HDAC9: variants seen among roughly 807,000 people sequenced by gnomAD.
The protein encoded by HDAC9 is MEF-2 interacting transcription repressor (MITR) protein.
HDAC9 carries 41 observed loss-of-function variants against 139.4 expected under a neutral mutation model. The ratio of observed to expected loss-of-function variants is 0.29; its 90% confidence interval spans 0.23 to 0.38. HDAC9 has a LOEUF of 0.38. Ranked by LOEUF, HDAC9 falls within the 10% of genes least tolerant of loss-of-function variation. The pLI, the probability that HDAC9 is intolerant of heterozygous loss-of-function variation, is 1.00. For missense variants in HDAC9, 1,147 were observed against 1,297.0 expected, an observed-to-expected ratio of 0.88 and a Z score of 1.78; for synonymous variants, 517 against 476.2, an observed-to-expected ratio of 1.09 and a Z score of -1.12.
intron 1 of HDAC9, among the ~76,000 whole-genome samples, chr7:18,305,353 A>G (rs1798839314): frequency 6.6e-6 from 1 of 152,230 alleles, no homozygotes; most frequent in African/African-American, 2.4e-5. Context: ...CAAATATGAA[A>G]ATACATGAAT....
At chr7:18,247,564 G>A (rs910272730) in intron 2 of HDAC9, among the ~76,000 whole-genome samples, 1 of 152,022 alleles carries the variant, frequency 6.6e-6, no homozygotes, top group African/African-American at 2.4e-5. Context: ...AGTGAGTAGG[G>A]ACAAATATTT....
Position 18,327,214 on chromosome 7 carries a change from G to A in HDAC9, c.-42+36699G>A, listed in dbSNP as rs1209499691. On this transcript the variant is annotated intron_variant, in intron 1 of 3. Transcript: ENST00000413509. ...TGGAAGGCTTATAAGATTAAAAATA[G>A]TTGTGTTTAGGGAAATAAGCTTATT... Among the ~76,000 whole-genome samples, 7 of 151,776 alleles carry A rather than the reference G, an allele frequency of 4.6e-5. No individual in the cohort carries two copies. The East Asian group carries it at 1.4e-3, about 29-fold the overall frequency.
At chr7:18,919,965 G>C (rs1020704114) in intron 22 of HDAC9, among the ~76,000 whole-genome samples, 5 of 152,110 alleles carry the variant, frequency 3.3e-5, no homozygotes. Flanking sequence ...GCTTAGGATT[G>C]ACTTGGCAAT....
chr7:18,384,036 C>G (rs1049836991), intron 1 of HDAC9, among the ~76,000 whole-genome samples: 4 of 152,086 alleles, frequency 2.6e-5, no homozygotes, highest in Admixed American at 6.6e-5. Context: ...ATAGGCCAGG[C>G]ATGGTGGCTC....
At chr7:18,443,788 C>T (rs567737732) in intron 1 of HDAC9, among the ~76,000 whole-genome samples, 355 of 151,722 alleles carry the variant, frequency 2.3e-3, no homozygotes, top group African/African-American at 8.3e-3. Flanking sequence ...CTTTCTCTCC[C>T]TCTCTGTGTG....
At chr7:18,617,441 C>G (rs780181277) in intron 6 of HDAC9, among the ~76,000 whole-genome samples, 50 of 152,162 alleles carry the variant, frequency 3.3e-4, no homozygotes, top group Non-Finnish European at 6.0e-4. Context: ...CCCATTCACA[C>G]AAGCCATTCT....
intron 1 of HDAC9, among the ~76,000 whole-genome samples, chr7:18,427,307 A>G (rs370660724): frequency 1.1e-4 from 17 of 152,242 alleles, no homozygotes; most frequent in East Asian, 7.7e-4. Flanking sequence ...CCAGTCCCCA[A>G]TTGCCAGAGA....
intron 1 of HDAC9, among the ~76,000 whole-genome samples, chr7:18,393,200 A>G (rs1489638231): frequency 6.6e-6 from 1 of 152,122 alleles, no homozygotes; most frequent in Non-Finnish European, 1.5e-5. Context: ...CACTAAAGAA[A>G]TTAATTTAGG....
intron 1 of HDAC9, among the ~76,000 whole-genome samples, chr7:18,150,078 T>G (rs1270618460): frequency 4.2e-5 from 1 of 23,978 alleles, no homozygotes; most frequent in African/African-American, 1.3e-4. Context: ...TTTATTAGGG[T>G]TTTTTTTTTT....
intron 6 of HDAC9, among the ~76,000 whole-genome samples, chr7:18,623,304 A>G (rs528880181): frequency 6.6e-6 from 1 of 152,330 alleles, no homozygotes; most frequent in East Asian, 1.9e-4. Flanking sequence ...GTTATTAACC[A>G]AAAGTTATTT....
intron 2 of HDAC9, among the ~76,000 whole-genome samples, chr7:18,517,385 C>T (rs1803567830): frequency 6.6e-6 from 1 of 152,212 alleles, no homozygotes; most frequent in African/African-American, 2.4e-5. Context: ...AAGTATGGTC[C>T]CTTACACCTG....
chr7:18,954,277 C>T lies in HDAC9; in HGVS notation c.3022+47C>T, dbSNP rs766046783. Reference sequence around the variant, plus strand: ...AAAAATTCTAAGCAGGTAAAACTAACTAAAATTATATTGAAAATTATAGTA... The same window carrying T: ...AAAAATTCTAAGCAGGTAAAACTAATTAAAATTATATTGAAAATTATAGTA... On this transcript the variant is annotated intron_variant, in intron 24 of 25. Coordinates refer to ENST00000686413, the MANE Select transcript of HDAC9 (RefSeq NM_178425.4). The T allele has an allele frequency of 7.9e-6, 9 of 1,139,094 alleles. No homozygotes were observed. The South Asian group carries it at 1.1e-4, about 14-fold the overall frequency. 70.6% of individuals were successfully genotyped at this position (1,139,094 alleles called of 1,614,324 possible).
intron 1 of HDAC9, among the ~76,000 whole-genome samples, chr7:18,424,454 C>T (rs1299386045): frequency 6.6e-6 from 1 of 152,134 alleles, no homozygotes; most frequent in Non-Finnish European, 1.5e-5. Flanking sequence ...CTGGAGGGCT[C>T]ATTTTTCACA....
intron 14 of HDAC9, among the ~76,000 whole-genome samples, chr7:18,758,560 T>C (rs988201690): frequency 5.3e-5 from 8 of 152,102 alleles, no homozygotes; most frequent in African/African-American, 1.7e-4. Flanking sequence ...TGGGAACTGG[T>C]GAAGATCTCA....
intron 22 of HDAC9, among the ~76,000 whole-genome samples, chr7:18,877,171 T>C (rs1384424018): frequency 6.6e-6 from 1 of 152,052 alleles, no homozygotes; most frequent in Non-Finnish European, 1.5e-5. Flanking sequence ...GAAGCCTGAG[T>C]TTCTCAGCTA....
At chr7:18,602,380 A>C (rs1477918466) in intron 6 of HDAC9, among the ~76,000 whole-genome samples, 1 of 151,528 alleles carries the variant, frequency 6.6e-6, no homozygotes, top group Non-Finnish European at 1.5e-5. Context: ...TAGTTTCATC[A>C]GTTGATCTTT....
intron 2 of HDAC9, among the ~76,000 whole-genome samples, chr7:18,558,381 A>G (rs1396788391): frequency 1.3e-5 from 2 of 152,156 alleles, no homozygotes; most frequent in African/African-American, 4.8e-5. Flanking sequence ...ATGCTATCTC[A>G]AGGTCTTTGT....
At chr7:18,612,949 A>G (rs1837571065) in intron 6 of HDAC9, among the ~76,000 whole-genome samples, 1 of 151,728 alleles carries the variant, frequency 6.6e-6, no homozygotes, top group Admixed American at 6.6e-5. Context: ...TAGGCTGACT[A>G]GCAGGAAATA....
intron 13 of HDAC9, among the ~76,000 whole-genome samples, chr7:18,743,781 G>T (rs1787674125): frequency 6.6e-6 from 1 of 151,862 alleles, no homozygotes; most frequent in Non-Finnish European, 1.5e-5. Context: ...TTAGCATTAT[G>T]GATAGAAATA....
Sources: allele counts gnomAD v4.1 joint callset (sites outside exome capture counted in the v4.1 genomes callset), GRCh38; gene constraint gnomAD v4.1.1; transcripts MANE v1.5; gene names NCBI Gene and HGNC (gene_info 2026-07-23, HGNC 2026-07-21).